The following PIP4K2A variants were observed in gnomAD, a reference collection of about 807,000 sequenced individuals.
PIP4K2A encodes phosphatidylinositol 5-phosphate 4-kinase type-2 alpha.
In PIP4K2A, 14 loss-of-function variants were observed where a neutral mutation model predicts 42.9. The observed-to-expected ratio is 0.33, with a 90% CI of 0.22 to 0.51. The LOEUF (loss-of-function observed/expected upper bound fraction) is 0.51, where lower values mean the gene tolerates loss of function less well. PIP4K2A is among the 20% of genes least tolerant of loss of function. The probability of loss-of-function intolerance (pLI) is 0.97; values close to 1 mark genes in which losing one functional copy is unlikely to be tolerated. For missense variants in PIP4K2A, 434 were observed against 519.8 expected, an observed-to-expected ratio of 0.83 and a Z score of 1.61; for synonymous variants, 192 against 192.2, an observed-to-expected ratio of 1.00 and a Z score of 0.01.
At chr10:22,555,671 G>A (rs1045048554) in intron 6 of PIP4K2A, among the ~76,000 whole-genome samples, 1 of 151,974 alleles carries the variant, frequency 6.6e-6, no homozygotes, top group Non-Finnish European at 1.5e-5. Context: ...AAAGCACATA[G>A]TGCCTGGCAA....
chr10:22,594,932 C>T (rs1269571674), intron 3 of PIP4K2A, among the ~76,000 whole-genome samples: 4 of 152,158 alleles, frequency 2.6e-5, no homozygotes, highest in African/African-American at 9.7e-5. Flanking sequence ...TAATAATCCA[C>T]GTGAGTAGCC....
intron 3 of PIP4K2A, among the ~76,000 whole-genome samples, chr10:22,594,353 G>T (rs1837581073): frequency 6.6e-6 from 1 of 152,160 alleles, no homozygotes. Flanking sequence ...TTAAAGAAGG[G>T]TTTAATAATA....
At chr10:22,713,347 C>T (rs1219311658) in intron 1 of PIP4K2A, among the ~76,000 whole-genome samples, 1 of 152,098 alleles carries the variant, frequency 6.6e-6, no homozygotes, top group African/African-American at 2.4e-5. Flanking sequence ...GCGGCCAACT[C>T]GGGACCCCCT....
chr10:22,689,547 A>T (rs1400078469), intron 1 of PIP4K2A, among the ~76,000 whole-genome samples: 1 of 152,096 alleles, frequency 6.6e-6, no homozygotes, highest in Admixed American at 6.5e-5. Context: ...CAGAATTTAA[A>T]GCATGCAGGA....
intron 3 of PIP4K2A, among the ~76,000 whole-genome samples, chr10:22,599,987 G>A (rs563596957): frequency 1.3e-4 from 20 of 150,122 alleles, no homozygotes; most frequent in Admixed American, 7.9e-4. Context: ...GTTTATTTCC[G>A]CAGTCGGAGG....
chr10:22,697,179 T>C (rs909004427), intron 1 of PIP4K2A, among the ~76,000 whole-genome samples: 3 of 151,890 alleles, frequency 2.0e-5, no homozygotes, highest in African/African-American at 7.3e-5. Context: ...AAGTAAAAAT[T>C]AAAATTGCAT....
chr10:22,681,399 C>T (rs1839657599), intron 1 of PIP4K2A, among the ~76,000 whole-genome samples: 1 of 152,228 alleles, frequency 6.6e-6, no homozygotes, highest in South Asian at 2.1e-4. Flanking sequence ...CTCAGCCAGA[C>T]ACAGTGGCTC....
At chr10:22,574,391 T>C (rs1347367030) in intron 4 of PIP4K2A, among the ~76,000 whole-genome samples, 2 of 151,920 alleles carry the variant, frequency 1.3e-5, no homozygotes, top group Non-Finnish European at 2.9e-5. Context: ...AATGATGCAA[T>C]TGGAGGGAAT....
At chr10:22,564,598 T>C (rs1337517203) in intron 6 of PIP4K2A, among the ~76,000 whole-genome samples, 1 of 152,070 alleles carries the variant, frequency 6.6e-6, no homozygotes, top group African/African-American at 2.4e-5. Flanking sequence ...ACCTGCTGAG[T>C]CTTCAGTACC....
At chr10:22,687,189 A>G (rs891307426) in intron 1 of PIP4K2A, among the ~76,000 whole-genome samples, 1 of 152,038 alleles carries the variant, frequency 6.6e-6, no homozygotes, top group Non-Finnish European at 1.5e-5. Flanking sequence ...CTCAGATGAA[A>G]GAGAAACCCT....
At chr10:22,632,409 A>G (rs1462025880) in intron 1 of PIP4K2A, among the ~76,000 whole-genome samples, 1 of 152,260 alleles carries the variant, frequency 6.6e-6, no homozygotes, top group African/African-American at 2.4e-5. Flanking sequence ...AAAAACAAAC[A>G]TTAAAATGGT....
chr10:22,537,438 T>C (rs1024514373), intron 9 of PIP4K2A, among the ~76,000 whole-genome samples, 157 bp from the exon 10 acceptor site: 3 of 152,100 alleles, frequency 2.0e-5, no homozygotes, highest in African/African-American at 4.8e-5. Context: ...ACTCAAAATA[T>C]CTTGGCGCTC....
chr10:22,560,574 G>A (rs1474052546), intron 6 of PIP4K2A, among the ~76,000 whole-genome samples: 1 of 152,238 alleles, frequency 6.6e-6, no homozygotes, highest in Non-Finnish European at 1.5e-5. Context: ...CAGTGCCTGA[G>A]AATCGACAAG....
intron 1 of PIP4K2A, among the ~76,000 whole-genome samples, chr10:22,701,112 C>G (rs772587980): frequency 6.6e-6 from 1 of 152,182 alleles, no homozygotes; most frequent in Non-Finnish European, 1.5e-5. Flanking sequence ...CTACCACTAA[C>G]TCTCCCAGGG....
intron 4 of PIP4K2A, among the ~76,000 whole-genome samples, chr10:22,581,531 G>A (rs1837279100): frequency 8.2e-6 from 1 of 121,704 alleles, no homozygotes; most frequent in African/African-American, 3.2e-5. Flanking sequence ...AGGAGTTTGA[G>A]ATCAGCCAGG....
intron 6 of PIP4K2A, among the ~76,000 whole-genome samples, chr10:22,560,469 G>T (rs143383108): frequency 1.5e-3 from 226 of 152,312 alleles, no homozygotes; most frequent in African/African-American, 5.1e-3. Flanking sequence ...ATTTTTAGAC[G>T]TAAGGGTATT....
At chr10:22,627,371 A>C (rs1214800334) in intron 1 of PIP4K2A, among the ~76,000 whole-genome samples, 1 of 151,986 alleles carries the variant, frequency 6.6e-6, no homozygotes, top group Non-Finnish European at 1.5e-5. Context: ...CCAGCATCAC[A>C]CACATATTCC....
At chr10:22,651,920 G>A (rs904535189) in intron 1 of PIP4K2A, among the ~76,000 whole-genome samples, 9 of 152,178 alleles carry the variant, frequency 5.9e-5, no homozygotes, top group Non-Finnish European at 1.0e-4. Flanking sequence ...TTCCCCACCT[G>A]CTAGCACTAT....
chr10:22,658,018 A>G (rs531482383), intron 1 of PIP4K2A, among the ~76,000 whole-genome samples: 3 of 152,348 alleles, frequency 2.0e-5, no homozygotes, highest in Admixed American at 2.0e-4. Flanking sequence ...ATGTGGCGCC[A>G]GAAGTACAGA....
Sources: gnomAD v4.1 joint callset for allele counts (sites outside exome capture counted in the v4.1 genomes callset) on GRCh38, gnomAD v4.1.1 for gene constraint, MANE v1.5 for transcripts, NCBI Gene and HGNC (gene_info 2026-07-23, HGNC 2026-07-21) for gene names.